The following RELL1 variants were observed in gnomAD, a reference collection of about 807,000 sequenced individuals.
RELL1 encodes RELT like 1, also known as RELT-like protein 1.
A neutral mutation model predicts 23.0 loss-of-function variants in RELL1; 10 were observed. That is an observed-to-expected ratio of 0.43 (90% confidence interval 0.27 to 0.74). The LOEUF (loss-of-function observed/expected upper bound fraction) is 0.74, where lower values mean the gene tolerates loss of function less well. Ranked by LOEUF, RELL1 falls within the 30% of genes least tolerant of loss-of-function variation. The pLI, the probability that RELL1 is intolerant of heterozygous loss-of-function variation, is 0.19. For synonymous variants in RELL1, 146 were observed against 146.8 expected, an observed-to-expected ratio of 0.99 and a Z score of 0.04; for missense variants, 315 against 364.4, an observed-to-expected ratio of 0.86 and a Z score of 1.10.
At chr4:37,604,866 G>GAC (rs752355951) in intron 6 of RELL1, among the ~76,000 whole-genome samples, 4 of 56,804 alleles carry the variant, frequency 7.0e-5, no homozygotes, top group Admixed American at 1.6e-4. Flanking sequence ...CACACACACA[G>GAC]ACACACACAC....
intron 1 of RELL1, among the ~76,000 whole-genome samples, chr4:37,652,588 G>A (rs1372656166): frequency 6.6e-6 from 1 of 152,140 alleles, no homozygotes; most frequent in Non-Finnish European, 1.5e-5. Flanking sequence ...CAATCTGGGG[G>A]TGAAAATAAA....
At chr4:37,627,523 G>A in intron 6 of RELL1, among the ~76,000 whole-genome samples, 1 of 152,130 alleles carries the variant, frequency 6.6e-6, no homozygotes, top group East Asian at 1.9e-4. Context: ...CCACAAACAA[G>A]AACTCAGACC....
At position 37,601,803 on chromosome 4, in the gene RELL1, T is replaced by TTTGG. The variant is rs1719024219; in HGVS notation, c.*4-10590_*4-10587dup. On this transcript the variant is annotated intron_variant, in intron 6 of 6. Transcript: ENST00000314117. ...ATTAGTCATGAGTTCTTTTTGTTGG[T>TTTGG]TTGGTTGGTTGGTTGCAAATGACAG... Among the ~76,000 whole-genome samples, 5 of 152,262 alleles carry TTTGG rather than the reference T, an allele frequency of 3.3e-5. No homozygotes were observed. In the South Asian group the frequency reaches 1.0e-3, roughly 32 times the overall value.
chr4:37,663,734 T>C (rs1341786849), intron 1 of RELL1, among the ~76,000 whole-genome samples: 1 of 152,184 alleles, frequency 6.6e-6, no homozygotes, highest in African/African-American at 2.4e-5. Flanking sequence ...CCCACACTCT[T>C]AGCCATGTTG....
At chr4:37,589,945 C>T (rs189615480), downstream of RELL1, 229 of 742,176 alleles carry the variant, frequency 3.1e-4, 2 homozygotes, top group African/African-American at 2.9e-3. Flanking sequence ...CCAACTATAT[C>T]TATTTGATTT....
At chr4:37,660,983 AC>A (rs1258882909) in intron 1 of RELL1, among the ~76,000 whole-genome samples, 1 of 151,768 alleles carries the variant, frequency 6.6e-6, no homozygotes, top group Non-Finnish European at 1.5e-5. Context: ...GTGAGCCGAG[AC>A]TGTGCCACTG....
At chr4:37,601,071 T>G (rs1413041086) in intron 6 of RELL1, among the ~76,000 whole-genome samples, 1 of 152,184 alleles carries the variant, frequency 6.6e-6, no homozygotes, top group African/African-American at 2.4e-5. Flanking sequence ...AGCTGGTAGA[T>G]CTGGGTTCAT....
At position 37,611,076 on chromosome 4, in the gene RELL1, G is replaced by A. The variant is rs181346419; in HGVS notation, c.*2270C>T. Among the ~76,000 whole-genome samples, 1 of 151,980 alleles carries A rather than the reference G, an allele frequency of 6.6e-6. No homozygotes were observed. The highest frequency in any genetic ancestry group is 2.4e-5 in the African/African-American group (1 of 41,410). On this transcript the variant is annotated 3_prime_UTR_variant, in exon 7 of 7. Coordinates refer to ENST00000454158, the MANE Select transcript of RELL1 (RefSeq NM_001085400.2). The stretch of plus-strand genomic sequence containing the variant: ...TCAATACAGTTTTAAATATTTTTGA[G>A]TATTCTCTTGCCTGTTGTATTGCTA...
chr4:37,617,261 G>C (rs181626524), intron 6 of RELL1, among the ~76,000 whole-genome samples: 38 of 152,184 alleles, frequency 2.5e-4, no homozygotes, highest in African/African-American at 8.4e-4. Flanking sequence ...TTTCCTATAA[G>C]GTGCTTCATT....
chr4:37,647,164 G>A, intron 3 of RELL1, among the ~76,000 whole-genome samples: 1 of 152,300 alleles, frequency 6.6e-6, no homozygotes, highest in South Asian at 2.1e-4. Flanking sequence ...CTCCAGGGCT[G>A]GGTCTCTGCA....
chr4:37,653,632 T>G (rs1721027197), intron 1 of RELL1, among the ~76,000 whole-genome samples: 1 of 152,110 alleles, frequency 6.6e-6, no homozygotes, highest in Admixed American at 6.5e-5. Context: ...AATTATTTGA[T>G]ACTGCTTCTA....
At chr4:37,656,363 AG>A (rs1673962520) in intron 1 of RELL1, among the ~76,000 whole-genome samples, 1 of 152,214 alleles carries the variant, frequency 6.6e-6, no homozygotes, top group Non-Finnish European at 1.5e-5. Flanking sequence ...GCAGGGGAAT[AG>A]GGATAGTTGA....
rs1320301820 is a variant in RELL1 at position 37,643,963 on chromosome 4, C to T, written c.385+3405G>A. On this transcript the variant is annotated intron_variant, in intron 3 of 6. Transcript: ENST00000454158. ...GGATTGGAGTCACCAGCTGTCCTCA[C>T]GGGCCCCTGGAGAAACCGCAGGTAC... is the stretch of plus-strand genomic sequence containing the variant. 7.9e-5 allele frequency among the ~76,000 whole-genome samples: 12 copies of T among 152,214 alleles called. No individual in the cohort carries two copies. The East Asian group carries it at 1.2e-3, about 15-fold the overall frequency.
chr4:37,621,981 C>T (rs771037516), intron 6 of RELL1, among the ~76,000 whole-genome samples: 14 of 152,140 alleles, frequency 9.2e-5, no homozygotes, highest in Non-Finnish European at 1.8e-4. Flanking sequence ...TTTTTAGGTC[C>T]ACTCAAAAAC....
chr4:37,634,303 G>C (rs1720239623), intron 5 of RELL1, among the ~76,000 whole-genome samples: 1 of 152,230 alleles, frequency 6.6e-6, no homozygotes, highest in South Asian at 2.1e-4. Flanking sequence ...GGAGGGCTGT[G>C]GACCAGATCC....
rs113415900 is a variant in RELL1 at position 37,635,412 on chromosome 4, G to A, written c.444-289C>T. Among the ~76,000 whole-genome samples, 150 of 152,200 alleles carry A rather than the reference G, an allele frequency of 9.9e-4. 2 individuals carry two copies. The highest frequency in any genetic ancestry group is 3.5e-3 in the African/African-American group (146 of 41,528). ...AGGCCAAAGTGGGAGGATTGCTTGT[G>A]GCCAGGAGTTTGAGACCAGCCTGAG... On this transcript the variant is annotated intron_variant, in intron 4 of 6. Transcript: ENST00000454158.
chr4:37,628,625 T>C (rs1720029636), intron 6 of RELL1, among the ~76,000 whole-genome samples: 1 of 152,218 alleles, frequency 6.6e-6, no homozygotes, highest in Admixed American at 6.5e-5. Context: ...CTCGTGCTCA[T>C]TGTGATTTGA....
Position 37,635,414 on chromosome 4 carries a change from C to T in RELL1, c.444-291G>A, listed in dbSNP as rs1056783182. ...GCCAAAGTGGGAGGATTGCTTGTGG[C>T]CAGGAGTTTGAGACCAGCCTGAGCA... On this transcript the variant is annotated intron_variant, in intron 4 of 6. Coordinates refer to ENST00000454158, the MANE Select transcript of RELL1 (RefSeq NM_001085400.2). Among the ~76,000 whole-genome samples, 3 of 151,904 alleles carry T rather than the reference C, an allele frequency of 2.0e-5. No individual in the cohort carries two copies. In the South Asian group the frequency reaches 6.2e-4, roughly 32 times the overall value.
At chr4:37,628,030 T>C (rs995818338) in intron 6 of RELL1, among the ~76,000 whole-genome samples, 4 of 152,202 alleles carry the variant, frequency 2.6e-5, no homozygotes, top group East Asian at 1.9e-4. Context: ...CATACTTTTT[T>C]TGGGGGGATG....
Sources: allele counts gnomAD v4.1 joint callset (sites outside exome capture counted in the v4.1 genomes callset), GRCh38; gene constraint gnomAD v4.1.1; transcripts MANE v1.5; gene names NCBI Gene and HGNC (gene_info 2026-07-23, HGNC 2026-07-21).